Variants in GLDC observed in about 807,000 individuals in gnomAD.
GLDC encodes the protein glycine decarboxylase.
In GLDC, 104 loss-of-function variants were observed where a neutral mutation model predicts 121.3. The ratio of observed to expected loss-of-function variants is 0.86; its 90% CI spans 0.73 to 1.01. The LOEUF is 1.01. GLDC is among the 50% of genes least tolerant of loss of function. GLDC has a pLI of 0.00. For synonymous variants in GLDC, 546 were observed against 480.6 expected (o/e 1.14, Z -1.78); for missense variants, 1,429 against 1,306.6 (o/e 1.09, Z -1.44).
chr9:6,586,298 A>T (rs767426374), intron 15 of GLDC, among the ~76,000 whole-genome samples: 2 of 152,108 alleles, frequency 1.3e-5, no homozygotes, highest in Non-Finnish European at 2.9e-5. Context: ...TCCATCTAAA[A>T]AAACAAATAA....
intron 21 of GLDC, chr9:6,540,847 G>A (rs1817242536): frequency 6.6e-6 from 1 of 152,354 alleles, no homozygotes; most frequent in South Asian, 2.1e-4. Context: ...TGAGCCTCAT[G>A]TGGGCACCCA....
chr9:6,627,020 G>A (rs549246854), intron 2 of GLDC, among the ~76,000 whole-genome samples: 3 of 152,134 alleles, frequency 2.0e-5, no homozygotes, highest in Non-Finnish European at 4.4e-5. Flanking sequence ...AGTGGGCCGG[G>A]CGTGGTGGCT....
chr9:6,595,617 T>C (rs1818476684), intron 8 of GLDC, among the ~76,000 whole-genome samples: 1 of 152,194 alleles, frequency 6.6e-6, no homozygotes, highest in Admixed American at 6.5e-5. Flanking sequence ...AGGCTGAACT[T>C]CTGCCAACCA....
intron 15 of GLDC, among the ~76,000 whole-genome samples, chr9:6,578,824 C>T (rs370309098): frequency 8.5e-5 from 13 of 152,342 alleles, no homozygotes; most frequent in East Asian, 5.8e-4. Context: ...TGAGCTACTG[C>T]ACCTGGCTTC....
intron 9 of GLDC, among the ~76,000 whole-genome samples, chr9:6,594,097 T>C (rs577311847): frequency 2.0e-5 from 3 of 152,234 alleles, no homozygotes; most frequent in African/African-American, 7.2e-5. Flanking sequence ...GTAGCTGACA[T>C]TACATACACG....
At chr9:6,608,259 A>G (rs1818776383) in intron 4 of GLDC, among the ~76,000 whole-genome samples, 1 of 142,728 alleles carries the variant, frequency 7.0e-6, no homozygotes, top group Admixed American at 7.0e-5. Flanking sequence ...TAAAAATACA[A>G]AAAAAAAAAA....
At chr9:6,636,270 C>G (rs1388895008) in intron 2 of GLDC, among the ~76,000 whole-genome samples, 3 of 151,190 alleles carry the variant, frequency 2.0e-5, no homozygotes, top group South Asian at 2.1e-4. Context: ...TGCCACTGTA[C>G]TCCAGCCTGG....
intron 6 of GLDC, 84 bp from the exon 7 acceptor site, chr9:6,604,868 G>A: frequency 8.8e-7 from 1 of 1,142,088 alleles, no homozygotes; most frequent in Admixed American, 1.7e-5. Context: ...CTTAACTACA[G>A]GAAGACGGGC....
chr9:6,534,568 C>G (rs1182985012), intron 24 of GLDC, 140 bp downstream of exon 24: 3 of 662,822 alleles, frequency 4.5e-6, no homozygotes, highest in Non-Finnish European at 2.8e-6. Context: ...TTCTTTGCTC[C>G]TCATTCCTCT....
chr9:6,543,168 G>A (rs1817307013), intron 21 of GLDC, among the ~76,000 whole-genome samples: 1 of 152,202 alleles, frequency 6.6e-6, no homozygotes, highest in African/African-American at 2.4e-5. Flanking sequence ...CCAGCTACTT[G>A]GGAGGCTGAG....
chr9:6,592,093 T>G, intron 11 of GLDC, 50 bp downstream of exon 11: 3 of 1,136,152 alleles, frequency 2.6e-6, no homozygotes, highest in Non-Finnish European at 2.7e-6. Context: ...CTACTTTTGC[T>G]ACCACCTCCA....
chr9:6,610,350 G>C lies in GLDC; in HGVS notation c.477C>G (p.Thr159=). 1 of 1,613,938 alleles carries C rather than the reference G, an allele frequency of 6.2e-7. No homozygotes were observed. The highest frequency in any genetic ancestry group is 8.5e-7 in the Non-Finnish European group (1 of 1,179,888). Reference sequence around the variant, plus strand: ...CCTCAGGCTGGTATGGAGTATACTGGGTGATCCTGCAAGGGAAACAAAAGG... The same window carrying C: ...CCTCAGGCTGGTATGGAGTATACTGCGTGATCCTGCAAGGGAAACAAAAGG... ...RNLLENSGWI[T]QYTPYQPEVS... is the part of the protein sequence containing the mutation. The change falls in exon 4 of 25, where the codon ACC becomes ACG. Residue 159 remains threonine (T), a synonymous_variant. Transcript: ENST00000321612.
At chr9:6,621,002 T>C (rs919814273) in intron 2 of GLDC, among the ~76,000 whole-genome samples, 2 of 152,072 alleles carry the variant, frequency 1.3e-5, no homozygotes, top group Non-Finnish European at 1.5e-5. Context: ...ACCCCGTCTC[T>C]ACCAAAAAAG....
intron 15 of GLDC, among the ~76,000 whole-genome samples, chr9:6,577,706 C>A (rs1481447756): frequency 6.6e-6 from 1 of 152,146 alleles, no homozygotes; most frequent in South Asian, 2.1e-4. Flanking sequence ...TGTGCACACA[C>A]ACACACGCAG....
chr9:6,594,717 A>G (rs948988287), intron 9 of GLDC, among the ~76,000 whole-genome samples: 2 of 152,060 alleles, frequency 1.3e-5, no homozygotes, highest in Non-Finnish European at 2.9e-5. Flanking sequence ...GCAAGCAAGC[A>G]AGCAAGCAAA....
At chr9:6,541,995 A>G (rs970043047) in intron 21 of GLDC, 21 of 151,752 alleles carry the variant, frequency 1.4e-4, no homozygotes, top group African/African-American at 3.6e-4. Flanking sequence ...TAATCCCAGC[A>G]CTTTGCGAGG....
In GLDC at chr9:6,533,089, G is replaced by C. The variant is rs757398632; in HGVS notation, c.2991C>G (p.His997Gln). ...CCATGGGTGGGCAGGTACAAACCAG[G>C]TGCTGATCTCCATATATGTCATCAA... ...ARIDDIYGDQ[H>Q]LVCTCPPMEV... is the part of the protein sequence containing the mutation. Residue 997 changes from histidine to glutamine, a missense_variant, in exon 25 of 25, where the codon CAC becomes CAG. By Grantham distance (24) the His-to-Gln change is conservative. Transcript: ENST00000321612. 1.2e-5 allele frequency: 19 copies of C among 1,611,360 alleles called. No homozygotes were observed. Among genetic ancestry groups the C allele is most frequent in the Non-Finnish European group, 1.5e-5 (18 of 1,177,528 alleles).
At position 6,609,906 on chromosome 9, in the gene GLDC, C is replaced by A. The variant is rs112429519; in HGVS notation, c.635+286G>T. Among the ~76,000 whole-genome samples, 865 of 152,180 alleles carry A rather than the reference C, an allele frequency of 5.7e-3. 10 individuals are homozygous for A. The highest frequency in any genetic ancestry group is 0.019 in the African/African-American group (802 of 41,520). On this transcript the variant is annotated intron_variant, in intron 4 of 24. Coordinates refer to ENST00000321612, the MANE Select transcript of GLDC (RefSeq NM_000170.3). ...CCCTGTCCTTCCTCCCAAAAATAGTCCCCTCACCAAATATGCAGATGTCTT... is the reference window on the plus strand; with the variant it reads ...CCCTGTCCTTCCTCCCAAAAATAGTACCCTCACCAAATATGCAGATGTCTT...
At chr9:6,605,091 A>G (rs745710117) in intron 6 of GLDC, 40 bp downstream of exon 6, 1 of 1,571,990 alleles carries the variant, frequency 6.4e-7, no homozygotes, top group Admixed American at 1.7e-5. Context: ...ACAAGTTGGG[A>G]TACGCCTCCA....
Sources: gnomAD v4.1 joint callset for allele counts (sites outside exome capture counted in the v4.1 genomes callset) on GRCh38, gnomAD v4.1.1 for gene constraint, MANE v1.5 for transcripts, NCBI Gene and HGNC (gene_info 2026-07-23, HGNC 2026-07-21) for gene names.